The following ACSL4 variants were observed in gnomAD, a reference collection of about 807,000 sequenced individuals.
ACSL4 encodes long-chain-fatty-acid--CoA ligase 4.
A neutral mutation model predicts 49.1 loss-of-function variants in ACSL4; 9 were observed. The observed-to-expected ratio is 0.18, with a 90% CI of 0.11 to 0.32. The LOEUF (loss-of-function observed/expected upper bound fraction) is 0.32, where lower values mean the gene tolerates loss of function less well. Among genes scored for constraint, ACSL4 ranks in the 10% least tolerant of loss-of-function variants. The pLI, the probability that ACSL4 is intolerant of heterozygous loss-of-function variation, is 1.00. For synonymous variants in ACSL4, 191 were observed against 170.3 expected (o/e 1.12, Z -0.95); for missense variants, 333 against 493.7 (o/e 0.67, Z 3.08).
Position 109,719,874 on chromosome X carries a change from T to A in ACSL4, c.-66+13265A>T, listed in dbSNP as rs1015709212. ...CAGGCATGACGGCTCATGCCTGTAATCCCAGCTACTAAGGAGGCTGAGGCA... is the reference window on the plus strand; with the variant it reads ...CAGGCATGACGGCTCATGCCTGTAAACCCAGCTACTAAGGAGGCTGAGGCA... On this transcript the variant is annotated intron_variant, in intron 1 of 15. Coordinates refer to ENST00000672401, the MANE Select transcript of ACSL4 (RefSeq NM_001318510.2). Among the ~76,000 whole-genome samples the A allele has an allele frequency of 1.3e-4, 14 of 111,101 alleles. 3 individuals are homozygous for A. The South Asian group carries it at 1.5e-3, about 12-fold the overall frequency.
chrX:109,647,421 C>T (rs953487772), intron 15 of ACSL4, among the ~76,000 whole-genome samples: 2 of 112,119 alleles, frequency 1.8e-5, no homozygotes, highest in Non-Finnish European at 3.8e-5. Flanking sequence ...TCCTGGATGA[C>T]TTCTGGGTAC....
intron 1 of ACSL4, among the ~76,000 whole-genome samples, chrX:109,712,196 T>A (rs1217035608): frequency 9.0e-6 from 1 of 111,424 alleles, no homozygotes; most frequent in Non-Finnish European, 1.9e-5. Flanking sequence ...ATTCCTGGGA[T>A]CAAGCAAGCT....
chrX:109,655,549 G>T (rs1403682121), intron 15 of ACSL4, among the ~76,000 whole-genome samples: 1 of 110,874 alleles, frequency 9.0e-6, no homozygotes, highest in Non-Finnish European at 1.9e-5. Flanking sequence ...TATAAAAGTA[G>T]TCTCAGAAAC....
At position 109,720,315 on chromosome X, in the gene ACSL4, G is replaced by A. The variant is rs188150469; in HGVS notation, c.-66+12824C>T. On this transcript the variant is annotated intron_variant, in intron 1 of 15. Coordinates refer to ENST00000672401, the MANE Select transcript of ACSL4 (RefSeq NM_001318510.2). ...ACTGCACTCCAGCCTAGGCAACAGAGCGAGACTCAAAAAAAAAAAAGCTAC... is the reference window on the plus strand; with the variant it reads ...ACTGCACTCCAGCCTAGGCAACAGAACGAGACTCAAAAAAAAAAAAGCTAC... Among the ~76,000 whole-genome samples, 113 of 108,901 alleles carry A rather than the reference G, an allele frequency of 1.0e-3. 1 individual carries two copies. Among genetic ancestry groups the A allele is most frequent in the African/African-American group, 3.4e-3 (103 of 29,966 alleles). The allele number at this position is 108,901 out of a possible 115,157, so 94.6% of individuals were successfully genotyped here. A position where few individuals can be genotyped will look rare whatever the true frequency, so the allele number is the denominator to read the frequency against.
intron 1 of ACSL4, among the ~76,000 whole-genome samples, chrX:109,714,711 G>C (rs1052905974): frequency 1.4e-4 from 16 of 111,985 alleles, no homozygotes; most frequent in African/African-American, 5.2e-4. Flanking sequence ...ACAGTCACAT[G>C]CTGTACAGGT....
intron 1 of ACSL4, among the ~76,000 whole-genome samples, chrX:109,709,070 T>C (rs1010751352): frequency 4.5e-5 from 5 of 111,898 alleles, no homozygotes; most frequent in African/African-American, 6.5e-5. Flanking sequence ...CTGCATGAGA[T>C]AGAATAGGTA....
chrX:109,673,709 GAT>G, intron 9 of ACSL4, among the ~76,000 whole-genome samples: 1 of 111,798 alleles, frequency 8.9e-6, no homozygotes, highest in African/African-American at 3.3e-5. Flanking sequence ...TTCTGTGAAA[GAT>G]ATTGGGGTAA....
At chrX:109,708,445 T>C (rs1322962120) in intron 1 of ACSL4, among the ~76,000 whole-genome samples, 3 of 112,236 alleles carry the variant, frequency 2.7e-5, no homozygotes, top group Non-Finnish European at 3.8e-5. Flanking sequence ...GGCAAAGTAA[T>C]ACTGTAAAAG....
At chrX:109,700,110 A>G (rs968328323) in intron 1 of ACSL4, among the ~76,000 whole-genome samples, 1 of 103,476 alleles carries the variant, frequency 9.7e-6, no homozygotes, top group African/African-American at 3.5e-5. Context: ...CAGGAGGCTG[A>G]GGCAGGAGAA....
Position 109,659,342 on chromosome X carries a change from T to A in ACSL4, c.1855+12A>T. ...TTTAGGGACTATACCAGTCTAGCAATTTCTTACTTACTGGCATTTGCAGCT... is the reference window on the plus strand; with the variant it reads ...TTTAGGGACTATACCAGTCTAGCAAATTCTTACTTACTGGCATTTGCAGCT... On this transcript the variant is annotated intron_variant, in intron 15 of 15. Transcript: ENST00000672401. 1 of 1,205,782 alleles carries A rather than the reference T, an allele frequency of 8.3e-7. No individual in the cohort carries two copies. Among genetic ancestry groups the A allele is most frequent in the Non-Finnish European group, 1.1e-6 (1 of 890,795 alleles).
chrX:109,666,386 TAAG>T lies in ACSL4; in HGVS notation c.1316-895_1316-893del, dbSNP rs756982625. On this transcript the variant is annotated intron_variant, in intron 11 of 15. Coordinates refer to ENST00000672401, the MANE Select transcript of ACSL4 (RefSeq NM_001318510.2). ...CCAAGAATGCCTTCATAAGAAACAG[TAAG>T]AAGACTGGTGGGTCTGGAGAGAAGA... Among the ~76,000 whole-genome samples the T allele has an allele frequency of 2.3e-3, 257 of 111,661 alleles. 1 individual carries two copies. Among genetic ancestry groups the T allele is most frequent in the African/African-American group, 8.1e-3 (248 of 30,719 alleles).
At chrX:109,723,384 T>C (rs184850077) in intron 1 of ACSL4, among the ~76,000 whole-genome samples, 87 of 111,912 alleles carry the variant, frequency 7.8e-4, no homozygotes, top group African/African-American at 2.7e-3. Flanking sequence ...TAATTACTCT[T>C]GATGTGTATC....
rs753411124 is a variant in ACSL4, at chrX:109,650,391, A to T, written c.1856-6205T>A. The stretch of plus-strand genomic sequence containing the variant: ...TGTCCTTTGTAGGGACATGGATGAA[A>T]TTGGAAATCATCATTCTCAGTAAAC... On this transcript the variant is annotated intron_variant, in intron 15 of 15. Transcript: ENST00000672401. 4.0e-4 allele frequency among the ~76,000 whole-genome samples: 43 copies of T among 107,369 alleles called. 1 individual carries two copies. The South Asian group carries it at 0.018, about 45-fold the overall frequency. 93.2% of individuals were successfully genotyped at this position (107,369 alleles called of 115,157 possible).
At chrX:109,687,417 T>C (rs1205417008) in intron 2 of ACSL4, among the ~76,000 whole-genome samples, 4 of 112,125 alleles carry the variant, frequency 3.6e-5, no homozygotes, top group African/African-American at 1.3e-4. Context: ...TGAGTTCATG[T>C]CCTTTGCATG....
chrX:109,679,393 A>T (rs1002973486), intron 6 of ACSL4, among the ~76,000 whole-genome samples: 1 of 112,680 alleles, frequency 8.9e-6, no homozygotes, highest in Non-Finnish European at 1.9e-5. Context: ...TAACAGGATT[A>T]TCACATTTAA....
rs1273002825 is a variant in ACSL4 at position 109,642,210 on chromosome X, TG to T, written c.*1818del. On this transcript the variant is annotated 3_prime_UTR_variant, in exon 16 of 16. Coordinates refer to ENST00000672401, the MANE Select transcript of ACSL4 (RefSeq NM_001318510.2). ...ACACATTTAAAATCACCATTCTAAA[TG>T]GGAAAAAAAATCACATATTGGAAAA... 9.0e-6 allele frequency: 1 copy of T among 110,758 alleles called. No individual in the cohort carries two copies. The highest frequency in any genetic ancestry group is 1.9e-5 in the Non-Finnish European group (1 of 52,767). 9.1% of individuals were successfully genotyped at this position (110,758 alleles called of 1,213,427 possible). A position where few individuals can be genotyped will look rare whatever the true frequency, so the allele number is the denominator to read the frequency against.
chrX:109,700,820 G>A (rs754486131), intron 1 of ACSL4, among the ~76,000 whole-genome samples: 12 of 109,961 alleles, frequency 1.1e-4, no homozygotes, highest in African/African-American at 2.0e-4. Context: ...TGAGGCGGGC[G>A]GATCATGAGG....
Position 109,682,852 on chromosome X carries a change from A to T in ACSL4, c.273T>A (p.Asn91Lys). 8.3e-7 allele frequency: 1 copy of T among 1,211,555 alleles called. No individual in the cohort carries two copies. The highest frequency in any genetic ancestry group is 1.1e-6 in the Non-Finnish European group (1 of 895,162). Reference protein sequence around the residue: ...NYKWMNYLEVNRRVNNFGSGL... With the variant: ...NYKWMNYLEVKRRVNNFGSGL... ...CACTACCAAAGTTATTCACTCTGCG[A>T]TTCACTTCAAGATAGTTCATCCATT... is the stretch of plus-strand genomic sequence containing the variant. Residue 91 changes from asparagine (N) to lysine (K), a missense_variant, in exon 4 of 16, where the codon AAT becomes AAA. Physicochemically the swap from Asn to Lys is moderately conservative, Grantham distance 94. Coordinates refer to ENST00000672401, the MANE Select transcript of ACSL4 (RefSeq NM_001318510.2).
At chrX:109,654,829 G>A (rs980064108) in intron 15 of ACSL4, among the ~76,000 whole-genome samples, 1 of 112,033 alleles carries the variant, frequency 8.9e-6, no homozygotes, top group East Asian at 2.8e-4. Flanking sequence ...TCTTCTCAAA[G>A]CCATTTGTAG....
Sources: allele counts gnomAD v4.1 joint callset (sites outside exome capture counted in the v4.1 genomes callset), GRCh38; gene constraint gnomAD v4.1.1; transcripts MANE v1.5; gene names NCBI Gene and HGNC (gene_info 2026-07-23, HGNC 2026-07-21).